CCDC138: variants seen among roughly 807,000 people sequenced by gnomAD.
CCDC138 encodes the protein coiled-coil domain containing 138.
A neutral mutation model predicts 82.3 loss-of-function variants in CCDC138; 66 were observed. That is an observed-to-expected ratio of 0.80 (90% CI 0.66 to 0.98). CCDC138 has a LOEUF of 0.98. CCDC138 is among the 50% of genes least tolerant of loss of function. The probability of loss-of-function intolerance (pLI) is 0.00; values close to 1 mark genes in which losing one functional copy is unlikely to be tolerated. For missense variants in CCDC138, 816 were observed against 758.9 expected (o/e 1.08, Z -0.88); for synonymous variants, 297 against 265.4 (o/e 1.12, Z -1.16).
chr2:108,834,326 C>T (rs1343495630), intron 10 of CCDC138, among the ~76,000 whole-genome samples: 1 of 151,676 alleles, frequency 6.6e-6, no homozygotes, highest in Non-Finnish European at 1.5e-5. Flanking sequence ...AATTCTCTTG[C>T]CTCAGCCTCC....
chr2:108,795,382 C>A (rs1413177727), intron 5 of CCDC138, among the ~76,000 whole-genome samples: 1 of 152,110 alleles, frequency 6.6e-6, no homozygotes, highest in African/African-American at 2.4e-5. Context: ...TCTTGAACTT[C>A]TGACCTCAGG....
At chr2:108,787,758 G>A (rs1573883781) in intron 1 of CCDC138, among the ~76,000 whole-genome samples, 1 of 151,716 alleles carries the variant, frequency 6.6e-6, no homozygotes, top group African/African-American at 2.4e-5. Flanking sequence ...TTGTTTCTCC[G>A]TTTGGGTTTA....
chr2:108,829,070 C>T (rs1687101248), intron 10 of CCDC138, among the ~76,000 whole-genome samples: 1 of 152,056 alleles, frequency 6.6e-6, no homozygotes. Flanking sequence ...GGAAAATCTT[C>T]ATGATATTAG....
chr2:108,805,356 T>C (rs968696491), intron 7 of CCDC138, among the ~76,000 whole-genome samples: 3 of 152,196 alleles, frequency 2.0e-5, no homozygotes, highest in African/African-American at 7.2e-5. Flanking sequence ...CTAGGCATCA[T>C]GCTAGACTCA....
At chr2:108,833,722 TA>T (rs1688082208) in intron 10 of CCDC138, among the ~76,000 whole-genome samples, 4 of 119,494 alleles carry the variant, frequency 3.3e-5, no homozygotes, top group African/African-American at 9.5e-5. Flanking sequence ...TAATGTGGAG[TA>T]AACTTTTTTT....
chr2:108,830,683 A>G (rs1239633707), intron 10 of CCDC138, among the ~76,000 whole-genome samples: 1 of 151,932 alleles, frequency 6.6e-6, no homozygotes, highest in Non-Finnish European at 1.5e-5. Context: ...TGGTGGGCAC[A>G]TGTAATCCCA....
Position 108,859,346 on chromosome 2 carries a change from G to A in CCDC138, c.1693+2376G>A, listed in dbSNP as rs1013542018. 4.6e-5 allele frequency among the ~76,000 whole-genome samples: 7 copies of A among 152,192 alleles called. No homozygotes were observed. In the South Asian group the frequency reaches 1.0e-3, roughly 23 times the overall value. ...GCAGATATTTTCTCCCATTCTATAG[G>A]TTGTCTGTTTACTCTGTTGATAGTT... On this transcript the variant is annotated intron_variant, in intron 13 of 14. Transcript: ENST00000295124.
chr2:108,798,490 TGAAAGA>T lies in CCDC138; in HGVS notation c.643_648del (p.Arg215_Glu216del). ...TTCAAAAGCGAGAACGTTTTTTACTTGAAAGAGAACAACTGCTTTTCAGACATGAAA... is the reference window on the plus strand; with the variant it reads ...TTCAAAAGCGAGAACGTTTTTTACTTGAACAACTGCTTTTCAGACATGAAA... On this transcript the variant is annotated inframe_deletion, in exon 6 of 15. Coordinates refer to ENST00000295124, the MANE Select transcript of CCDC138 (RefSeq NM_144978.3). The T allele has an allele frequency of 6.2e-7, 1 of 1,614,044 alleles. No individual in the cohort carries two copies.
intron 14 of CCDC138, among the ~76,000 whole-genome samples, chr2:108,875,317 AAT>A (rs371864500): frequency 0.2 from 7,992 of 39,372 alleles, 1,138 homozygotes; most frequent in African/African-American, 0.38. Context: ...CTTAAAGTAT[AAT>A]AAAAAAAAAA....
chr2:108,815,758 G>A (rs1039015834), intron 9 of CCDC138, 183 bp from the exon 10 acceptor site: 6 of 180,108 alleles, frequency 3.3e-5, no homozygotes, highest in East Asian at 3.8e-4. Context: ...GAGCCACTGC[G>A]CCAGGCAGGT....
intron 10 of CCDC138, among the ~76,000 whole-genome samples, chr2:108,828,204 A>G (rs1224793182): frequency 2.0e-5 from 3 of 152,238 alleles, no homozygotes; most frequent in African/African-American, 7.2e-5. Context: ...GTGAAACCAT[A>G]GAAAACCCAA....
intron 14 of CCDC138, 120 bp from the exon 15 acceptor site, chr2:108,875,968 C>T: frequency 1.7e-6 from 1 of 598,842 alleles, no homozygotes; most frequent in Non-Finnish European, 2.8e-6. Context: ...CCTATTTTCT[C>T]CACTGTTTTT....
rs1684077331 is a variant in CCDC138 at position 108,812,699 on chromosome 2, T to A, written c.924T>A (p.Asp308Glu). Residue 308 changes from aspartate to glutamate, a missense_variant, in exon 8 of 15, where the codon GAT (aspartate) becomes GAA (glutamate). Asp to Glu is a conservative substitution (Grantham distance 45, BLOSUM62 2). Transcript: ENST00000295124. ...IQAKRVQARL[D>E]NLQRKYEFMT... ...CTAAAAGAGTTCAAGCTCGTTTAGA[T>A]AATTTACAGGTAAGTTGCCTGTTCT... 6.2e-7 allele frequency: 1 copy of A among 1,609,630 alleles called. No homozygotes were observed. Among genetic ancestry groups the A allele is most frequent in the Non-Finnish European group, 8.5e-7 (1 of 1,175,994 alleles).
chr2:108,873,570 C>T lies in CCDC138; in HGVS notation c.1813C>T (p.Gln605Ter). Residue 605 changes from glutamine (Q) to a stop codon, truncating the protein, a stop_gained, in exon 14 of 15, where the codon CAG becomes TAG. Transcript: ENST00000295124. LOFTEE classifies it high-confidence loss of function. ...ACTAGAAAAACTCAGTATTATTTTACAGAAACTTTCCAAAATCAAGTAAGA... is the reference window on the plus strand; with the variant it reads ...ACTAGAAAAACTCAGTATTATTTTATAGAAACTTTCCAAAATCAAGTAAGA... ...QILEKLSIIL[Q>*]KLSKIKSNKK... The T allele has an allele frequency of 1.9e-6, 3 of 1,603,148 alleles. No individual in the cohort carries two copies. The highest frequency in any genetic ancestry group is 2.6e-6 in the Non-Finnish European group (3 of 1,174,610).
chr2:108,884,263 A>C (rs917339399), intron 2 of CCDC138: 2 of 152,184 alleles, frequency 1.3e-5, no homozygotes, highest in African/African-American at 4.8e-5. Flanking sequence ...TTTACCTGTC[A>C]AGCAGGGACC....
At chr2:108,860,935 C>CTTTGTTTTTTTTTTTTT in intron 13 of CCDC138, among the ~76,000 whole-genome samples, 1 of 37,914 alleles carries the variant, frequency 2.6e-5, no homozygotes, top group Non-Finnish European at 4.4e-5. Flanking sequence ...TGGTCCAGGA[C>CTTTGTTTTTTTTTTTTT]TTTTTTTTTT....
At chr2:108,862,663 G>A (rs1295219879) in intron 13 of CCDC138, among the ~76,000 whole-genome samples, 1 of 152,070 alleles carries the variant, frequency 6.6e-6, no homozygotes, top group Non-Finnish European at 1.5e-5. Context: ...ATTGTACATG[G>A]TAAAGATATA....
At chr2:108,853,864 T>TATATATACTATATAATATATTATATAG in intron 12 of CCDC138, among the ~76,000 whole-genome samples, 1 of 127,760 alleles carries the variant, frequency 7.8e-6, no homozygotes, top group East Asian at 2.0e-4. Context: ...ATATATATAA[T>TATATATACTATATAATATATTATATAG]ATATATACTA....
rs190888050 is a variant in CCDC138 at position 108,845,664 on chromosome 2, C to T, written c.1324-1074C>T. On this transcript the variant is annotated intron_variant, in intron 11 of 14. Coordinates refer to ENST00000295124, the MANE Select transcript of CCDC138 (RefSeq NM_144978.3). ...TCGGCTCACTGCAAGCTCCGCCTCC[C>T]GTGTTCACACCATTCTCCTGTCTCA... Among the ~76,000 whole-genome samples the T allele has an allele frequency of 4.8e-3, 734 of 151,550 alleles. 7 individuals carry two copies. The highest frequency in any genetic ancestry group is 0.023 in the South Asian group (109 of 4,792).
Sources: allele counts gnomAD v4.1 joint callset (sites outside exome capture counted in the v4.1 genomes callset), GRCh38; gene constraint gnomAD v4.1.1; transcripts MANE v1.5; gene names NCBI Gene and HGNC (gene_info 2026-07-23, HGNC 2026-07-21).